The following EDA variants were observed in gnomAD, a reference collection of about 807,000 sequenced individuals.
The protein encoded by EDA is ectodysplasin-A.
A neutral mutation model predicts 23.6 loss-of-function variants in EDA; 2 were observed. That is an observed-to-expected ratio of 0.08 (90% CI 0.03 to 0.27). The LOEUF is 0.27. EDA is among the 10% of genes least tolerant of loss of function. The pLI is 1.00. For missense variants in EDA, 229 were observed against 324.2 expected (o/e 0.71, Z 2.26); for synonymous variants, 131 against 132.0 (o/e 0.99, Z 0.05).
chrX:69,998,249 A>G (rs184775726), intron 2 of EDA, among the ~76,000 whole-genome samples: 5 of 112,558 alleles, frequency 4.4e-5, no homozygotes, highest in South Asian at 7.3e-4. Flanking sequence ...CACTTCTTGC[A>G]TCAGCTGGAT....
At chrX:69,621,000 A>G (rs1192852060) in intron 1 of EDA, 8 of 338,268 alleles carry the variant, frequency 2.4e-5, no homozygotes, top group East Asian at 1.7e-4. Flanking sequence ...ATAATTAGAA[A>G]GTGAAATGGA....
chrX:69,865,547 C>G (rs2017472176), intron 1 of EDA, among the ~76,000 whole-genome samples: 1 of 111,405 alleles, frequency 9.0e-6, no homozygotes, highest in South Asian at 3.8e-4. Context: ...TAGATCGTGC[C>G]CACCAGATTA....
At chrX:69,763,476 A>C (rs1388286798) in intron 1 of EDA, among the ~76,000 whole-genome samples, 1 of 112,334 alleles carries the variant, frequency 8.9e-6, no homozygotes, top group Admixed American at 9.4e-5. Flanking sequence ...CAGTTCAAAA[A>C]TATGGCAATG....
At chrX:69,909,817 C>T (rs1383678379) in intron 1 of EDA, among the ~76,000 whole-genome samples, 1 of 112,245 alleles carries the variant, frequency 8.9e-6, no homozygotes, top group Non-Finnish European at 1.9e-5. Flanking sequence ...TAGGATGTCA[C>T]CTGAAAAGAT....
At chrX:70,005,132 C>G (rs1359726409) in intron 2 of EDA, among the ~76,000 whole-genome samples, 1 of 111,713 alleles carries the variant, frequency 9.0e-6, no homozygotes, top group Non-Finnish European at 1.9e-5. Flanking sequence ...AGCCTACTAC[C>G]TGTATAACCA....
At chrX:69,802,157 G>C (rs1402659150) in intron 1 of EDA, among the ~76,000 whole-genome samples, 4 of 110,550 alleles carry the variant, frequency 3.6e-5, no homozygotes, top group Non-Finnish European at 7.6e-5. Flanking sequence ...TAAATATACA[G>C]TGAATACTAT....
intron 1 of EDA, among the ~76,000 whole-genome samples, chrX:69,637,835 C>G (rs1932795285): frequency 9.0e-6 from 1 of 110,686 alleles, no homozygotes; most frequent in African/African-American, 3.3e-5. Context: ...TAGTAGTGTT[C>G]TAATCATTAC....
intron 2 of EDA, among the ~76,000 whole-genome samples, chrX:70,020,483 C>T (rs112901955): frequency 0.17 from 18,530 of 108,886 alleles, 1,595 homozygotes; most frequent in Middle Eastern, 0.35. Context: ...GGCGTGAACC[C>T]GGGAGGCAGA....
At chrX:70,004,819 C>T (rs1049224503) in intron 2 of EDA, among the ~76,000 whole-genome samples, 8 of 112,146 alleles carry the variant, frequency 7.1e-5, no homozygotes, top group African/African-American at 2.6e-4. Context: ...AAGCCTGGGC[C>T]AGGAGCAGTG....
At chrX:69,854,775 CATGT>C (rs1355266675) in intron 1 of EDA, among the ~76,000 whole-genome samples, 1 of 111,952 alleles carries the variant, frequency 8.9e-6, no homozygotes, top group Non-Finnish European at 1.9e-5. Flanking sequence ...CATACGCATG[CATGT>C]GTCTTTATAA....
At chrX:69,639,234 C>T (rs913596825) in intron 1 of EDA, among the ~76,000 whole-genome samples, 2 of 111,641 alleles carry the variant, frequency 1.8e-5, no homozygotes, top group Non-Finnish European at 3.8e-5. Context: ...CATGGGTGTA[C>T]ACATTTTCAT....
chrX:70,034,679 A>G (rs2020241015), intron 7 of EDA, among the ~76,000 whole-genome samples: 2 of 112,034 alleles, frequency 1.8e-5, no homozygotes, highest in Admixed American at 1.9e-4. Flanking sequence ...AGCATAAGTT[A>G]GTGCTTCCTT....
At chrX:69,793,885 G>A (rs772261059) in intron 1 of EDA, among the ~76,000 whole-genome samples, 1 of 110,939 alleles carries the variant, frequency 9.0e-6, no homozygotes, top group African/African-American at 3.3e-5. Flanking sequence ...GTTAACTTAG[G>A]GAGGGTAGAT....
chrX:69,753,705 G>A (rs1015051650), intron 1 of EDA, among the ~76,000 whole-genome samples: 1 of 111,580 alleles, frequency 9.0e-6, no homozygotes, highest in African/African-American at 3.3e-5. Context: ...TTGTCTGGGT[G>A]TCTAAGTCTC....
chrX:70,026,801 C>G (rs781612759), intron 3 of EDA, among the ~76,000 whole-genome samples: 1 of 110,820 alleles, frequency 9.0e-6, no homozygotes, highest in African/African-American at 3.3e-5. Flanking sequence ...TCAGCTCCCT[C>G]TACTCTCTGT....
At chrX:69,843,258 G>T (rs1198171444) in intron 1 of EDA, among the ~76,000 whole-genome samples, 1 of 111,189 alleles carries the variant, frequency 9.0e-6, no homozygotes, top group Non-Finnish European at 1.9e-5. Flanking sequence ...TTGTATATTT[G>T]AGGTTTATAA....
At chrX:69,895,397 C>CACACAA (rs2147636796) in intron 1 of EDA, among the ~76,000 whole-genome samples, 1 of 36,262 alleles carries the variant, frequency 2.8e-5, no homozygotes, top group Non-Finnish European at 7.2e-5. Context: ...TCTCAACCTA[C>CACACAA]ACACACACAC....
intron 1 of EDA, among the ~76,000 whole-genome samples, chrX:69,875,431 C>T (rs966748019): frequency 2.7e-5 from 3 of 111,682 alleles, no homozygotes; most frequent in African/African-American, 6.5e-5. Flanking sequence ...AGGCCACATG[C>T]AGGAGAATGA....
chrX:69,752,245 C>T, intron 1 of EDA, among the ~76,000 whole-genome samples: 1 of 111,418 alleles, frequency 9.0e-6, no homozygotes, highest in Non-Finnish European at 1.9e-5. Flanking sequence ...TTTTGAGATA[C>T]ATCCCATCAG....
Sources: allele counts gnomAD v4.1 joint callset (sites outside exome capture counted in the v4.1 genomes callset), GRCh38; gene constraint gnomAD v4.1.1; transcripts MANE v1.5; gene names NCBI Gene and HGNC (gene_info 2026-07-23, HGNC 2026-07-21).